RAB15: variants seen among roughly 807,000 people sequenced by gnomAD.
RAB15 encodes RAB15, member RAS oncogene family, also known as ras-related protein Rab-15.
In RAB15, 13 loss-of-function variants were observed where a neutral mutation model predicts 31.8. The observed-to-expected ratio is 0.41, with a 90% CI of 0.27 to 0.65. The LOEUF is 0.65. RAB15 is among the 30% of genes least tolerant of loss of function. RAB15 has a pLI of 0.32. For missense variants in RAB15, 220 were observed against 277.3 expected (o/e 0.79, Z 1.47); for synonymous variants, 100 against 105.6 (o/e 0.95, Z 0.33).
chr14:64,965,070 T>G (rs911581590), intron 1 of RAB15, among the ~76,000 whole-genome samples: 1 of 152,234 alleles, frequency 6.6e-6, no homozygotes, highest in African/African-American at 2.4e-5. Context: ...TTCAGCCTCC[T>G]GAGTAGTTAG....
intron 1 of RAB15, among the ~76,000 whole-genome samples, chr14:64,959,434 C>A (rs1474953729): frequency 6.6e-6 from 1 of 152,126 alleles, no homozygotes; most frequent in African/African-American, 2.4e-5. Context: ...CTCAACTACA[C>A]AAAAAGAACC....
Position 64,950,332 on chromosome 14 carries a change from C to A in RAB15, c.407G>T (p.Gly136Val), listed in dbSNP as rs1293768964. ...EQKRQVGREQ[G>V]QQLAKEYGMD... The stretch of plus-strand genomic sequence containing the variant: ...CCTTTTCCCTCCACTTACCTGCTGC[C>A]CTTGCTCTCTTCCCACCTGCCGTTT... The change falls in exon 5 of 7, where the codon GGG becomes GTG. Residue 136 changes from glycine (G) to valine (V), a missense_variant. Gly to Val is a moderately radical substitution (Grantham distance 109, BLOSUM62 -3). Transcript: ENST00000533601. The surrounding 1 kb of genome is among the most constrained non-coding windows in gnomAD (Gnocchi z 5.6). 1 of 1,613,884 alleles carries A rather than the reference C, an allele frequency of 6.2e-7. No individual in the cohort carries two copies. The highest frequency in any genetic ancestry group is 8.5e-7 in the Non-Finnish European group (1 of 1,179,878).
At chr14:64,966,664 T>C (rs1484675336) in intron 1 of RAB15, among the ~76,000 whole-genome samples, 2 of 152,230 alleles carry the variant, frequency 1.3e-5, no homozygotes, top group East Asian at 3.8e-4. Flanking sequence ...AAGACTCTGT[T>C]ACCATCTTCA....
chr14:64,971,983 C>G lies in RAB15; in HGVS notation c.94G>C (p.Glu32Gln). 1 of 1,599,482 alleles carries G rather than the reference C, an allele frequency of 6.3e-7. No individual in the cohort carries two copies. The highest frequency in any genetic ancestry group is 8.5e-7 in the Non-Finnish European group (1 of 1,173,268). ...GTGGAGATGTGCGAGGAGTGGAACT[C>G]GTTGTCGGTGAAGCGGCACAGCAGG... The part of the protein sequence containing the change: ...TCLLCRFTDN[E>Q]FHSSHISTIG... The change falls in exon 1 of 7, where the codon GAG becomes CAG. Residue 32 changes from glutamate to glutamine, a missense_variant. Glu to Gln is a conservative substitution (Grantham distance 29). Transcript: ENST00000533601. This position sits in a 1 kb window ranked among gnomAD's most constrained non-coding sequence, Gnocchi z 4.1.
At chr14:64,960,161 A>G (rs1303911939) in intron 1 of RAB15, among the ~76,000 whole-genome samples, 3 of 152,212 alleles carry the variant, frequency 2.0e-5, no homozygotes, top group Non-Finnish European at 2.9e-5. Flanking sequence ...AGAACTGGGA[A>G]GACAGGCAGG....
In RAB15 at chr14:64,971,735, A is replaced by G; in HGVS notation, c.124+218T>C. ...ATGGGACGGAAGGCTTCCCGGCAAG[A>G]GGCGGGAGACCCCACCCCTGGTCCG... is the stretch of plus-strand genomic sequence containing the variant. On this transcript the variant is annotated intron_variant, in intron 1 of 6. Coordinates refer to ENST00000533601, the MANE Select transcript of RAB15 (RefSeq NM_001308154.2). This position sits in a 1 kb window ranked among gnomAD's most constrained non-coding sequence, Gnocchi z 4.1. The G allele has an allele frequency of 1.8e-6, 1 of 561,774 alleles. No homozygotes were observed. Among genetic ancestry groups the G allele is most frequent in the Non-Finnish European group, 3.2e-6 (1 of 315,296 alleles). The allele number at this position is 561,774 out of a possible 1,614,324, so 34.8% of individuals were successfully genotyped here.
Position 64,968,919 on chromosome 14 carries a change from C to T in RAB15, c.124+3034G>A, listed in dbSNP as rs1252793846. 6.6e-6 allele frequency among the ~76,000 whole-genome samples: 1 copy of T among 152,216 alleles called. No individual in the cohort carries two copies. Among genetic ancestry groups the T allele is most frequent in the Non-Finnish European group, 1.5e-5 (1 of 68,038 alleles). On this transcript the variant is annotated intron_variant, in intron 1 of 6. Coordinates refer to ENST00000533601, the MANE Select transcript of RAB15 (RefSeq NM_001308154.2). This position sits in a 1 kb window ranked among gnomAD's most constrained non-coding sequence, Gnocchi z 4.9. ...GGGGAGGGACAGTCAGTGTCTCAGT[C>T]TACCAGGGAGGCCTCTCACTGCTCC... is the stretch of plus-strand genomic sequence containing the variant.
rs796144836 is a variant in RAB15, at chr14:64,964,968, CAG to C, written c.124+6983_124+6984del. 9.8e-5 allele frequency among the ~76,000 whole-genome samples: 14 copies of C among 143,304 alleles called. 1 individual carries two copies. Among genetic ancestry groups the C allele is most frequent in the African/African-American group, 3.4e-4 (13 of 38,584 alleles). The allele number at this position is 143,304 out of a possible 152,430, so 94.0% of individuals were successfully genotyped here. A position where few individuals can be genotyped will look rare whatever the true frequency, so the allele number is the denominator to read the frequency against. ...CAGTAATTTTTTTTTTTTCCTGAGACAGGGTCTCACTCTGTCACCCAGGCTGG... is the reference window on the plus strand; with the variant it reads ...CAGTAATTTTTTTTTTTTCCTGAGACGGTCTCACTCTGTCACCCAGGCTGG... On this transcript the variant is annotated intron_variant, in intron 1 of 6. Coordinates refer to ENST00000533601, the MANE Select transcript of RAB15 (RefSeq NM_001308154.2).
At position 64,952,751 on chromosome 14, in the gene RAB15, G is replaced by A. The variant is rs955607575; in HGVS notation, c.125-180C>T. On this transcript the variant is annotated intron_variant, in intron 1 of 6. Coordinates refer to ENST00000533601, the MANE Select transcript of RAB15 (RefSeq NM_001308154.2). The surrounding 1 kb of genome is among the most constrained non-coding windows in gnomAD (Gnocchi z 4.2). Reference sequence around the variant, plus strand: ...TAAGGAAGTATCTGAAGCTTTGAAAGGGGCTTTCCTCCCTCCCTGAGCTGA... The same window carrying A: ...TAAGGAAGTATCTGAAGCTTTGAAAAGGGCTTTCCTCCCTCCCTGAGCTGA... Among the ~76,000 whole-genome samples the A allele has an allele frequency of 2.6e-5, 4 of 152,194 alleles. No individual in the cohort carries two copies. Among genetic ancestry groups the A allele is most frequent in the African/African-American group, 9.7e-5 (4 of 41,440 alleles).
Position 64,962,956 on chromosome 14 carries a change from A to G in RAB15, c.124+8997T>C, listed in dbSNP as rs752317785. 3.6e-4 allele frequency among the ~76,000 whole-genome samples: 55 copies of G among 152,258 alleles called. No individual in the cohort carries two copies. Among genetic ancestry groups the G allele is most frequent in the Non-Finnish European group, 6.2e-4 (42 of 67,990 alleles). ...ACCAAGAAACTTCTCAAATGCCAGC[A>G]AGGCCAACTTCAGAACTCCCTGCTC... On this transcript the variant is annotated intron_variant, in intron 1 of 6. Coordinates refer to ENST00000533601, the MANE Select transcript of RAB15 (RefSeq NM_001308154.2). This position sits in a 1 kb window ranked among gnomAD's most constrained non-coding sequence, Gnocchi z 4.2.
rs1254241214 is a variant in RAB15, at chr14:64,971,894, C to T, written c.124+59G>A. On this transcript the variant is annotated intron_variant, in intron 1 of 6. Coordinates refer to ENST00000533601, the MANE Select transcript of RAB15 (RefSeq NM_001308154.2). This position sits in a 1 kb window ranked among gnomAD's most constrained non-coding sequence, Gnocchi z 4.1. ...ATTCCTCCCCAGCTGGGGACGGGGG[C>T]GGCGGGGAAAGGGGCCGCGGGCGGG... The T allele has an allele frequency of 1.8e-5, 26 of 1,425,316 alleles. No homozygotes were observed. In the South Asian group the frequency reaches 2.7e-4, roughly 15 times the overall value. The allele number at this position is 1,425,316 out of a possible 1,614,324, so 88.3% of individuals were successfully genotyped here. A position where few individuals can be genotyped will look rare whatever the true frequency, so the allele number is the denominator to read the frequency against.
Position 64,968,640 on chromosome 14 carries a change from C to T in RAB15, c.124+3313G>A, listed in dbSNP as rs185866632. Among the ~76,000 whole-genome samples, 545 of 152,202 alleles carry T rather than the reference C, an allele frequency of 3.6e-3. 1 individual carries two copies. Among genetic ancestry groups the T allele is most frequent in the Admixed American group, 0.013 (194 of 15,294 alleles). On this transcript the variant is annotated intron_variant, in intron 1 of 6. Coordinates refer to ENST00000533601, the MANE Select transcript of RAB15 (RefSeq NM_001308154.2). The surrounding 1 kb of genome is among the most constrained non-coding windows in gnomAD (Gnocchi z 4.9). ...CACTAGCTCTTTGTTTTTTGTTTTT[C>T]CCTTTGTCTTGCCTCCCCATCTAGG...
Position 64,951,002 on chromosome 14 carries a change from A to T in RAB15, c.324+72T>A. 6.2e-7 allele frequency: 1 copy of T among 1,614,022 alleles called. No individual in the cohort carries two copies. On this transcript the variant is annotated intron_variant, in intron 4 of 6. Coordinates refer to ENST00000533601, the MANE Select transcript of RAB15 (RefSeq NM_001308154.2). This position sits in a 1 kb window ranked among gnomAD's most constrained non-coding sequence, Gnocchi z 7.2. ...GCTTCCTGGAAGCATTTGCCTTCCC[A>T]TCTGGCCCTCGCCTTGCCTTCCCCG...
Position 64,963,212 on chromosome 14 carries a change from G to T in RAB15, c.124+8741C>A, listed in dbSNP as rs1304734020. Among the ~76,000 whole-genome samples, 3 of 145,204 alleles carry T rather than the reference G, an allele frequency of 2.1e-5. No homozygotes were observed. In the Admixed American group the frequency reaches 2.2e-4, roughly 11 times the overall value. ...CGGCTCACTGCAACCTCCACCTCCT[G>T]TGTTAAAGTGATTCTCCTGCCTCAG... On this transcript the variant is annotated intron_variant, in intron 1 of 6. Transcript: ENST00000533601.
Position 64,972,054 on chromosome 14 carries a change from A to C in RAB15, c.23T>G (p.Leu8Arg). 6.2e-7 allele frequency: 1 copy of C among 1,610,538 alleles called. No homozygotes were observed. Among genetic ancestry groups the C allele is most frequent in the Non-Finnish European group, 8.5e-7 (1 of 1,178,786 alleles). Residue 8 changes from leucine (L) to arginine (R), a missense_variant, in exon 1 of 7, where the codon CTG becomes CGG. Physicochemically the swap from Leu to Arg is moderately radical, Grantham distance 102. Coordinates refer to ENST00000533601, the MANE Select transcript of RAB15 (RefSeq NM_001308154.2). This position sits in a 1 kb window ranked among gnomAD's most constrained non-coding sequence, Gnocchi z 6.3. ...GTCCCCGATCAGCAGCAGCCGGAAC[A>C]GCACATCGTACTGCTTCGCCATGAC... is the stretch of plus-strand genomic sequence containing the variant. MAKQYDV[L>R]FRLLLIGDSG...
chr14:64,946,407 T>A lies in RAB15; in HGVS notation c.*1947A>T, dbSNP rs1427488918. On this transcript the variant is annotated 3_prime_UTR_variant, in exon 7 of 7. Coordinates refer to ENST00000533601, the MANE Select transcript of RAB15 (RefSeq NM_001308154.2). Reference sequence around the variant, plus strand: ...ACCTACTTCCCTAGCCCCAGTGTGATGTGGCATAGGTCTTGATACCCAAGG... The same window carrying A: ...ACCTACTTCCCTAGCCCCAGTGTGAAGTGGCATAGGTCTTGATACCCAAGG... 1 of 152,204 alleles carries A rather than the reference T, an allele frequency of 6.6e-6. No individual in the cohort carries two copies. Among genetic ancestry groups the A allele is most frequent in the Non-Finnish European group, 1.5e-5 (1 of 68,036 alleles). The allele number at this position is 152,204 out of a possible 1,614,324, so 9.4% of individuals were successfully genotyped here.
In RAB15 at chr14:64,951,422, C is replaced by A. The variant is rs143512986; in HGVS notation, c.246+181G>T. On this transcript the variant is annotated intron_variant, in intron 3 of 6. Transcript: ENST00000533601. This position sits in a 1 kb window ranked among gnomAD's most constrained non-coding sequence, Gnocchi z 7.2. The stretch of plus-strand genomic sequence containing the variant: ...AGGGGTGAGGGCAGGGGCCTGCCTG[C>A]AGTGAGTGGGCCATGAACAATGGAC... Among the ~76,000 whole-genome samples, 15 of 152,322 alleles carry A rather than the reference C, an allele frequency of 9.8e-5. No individual in the cohort carries two copies. Among genetic ancestry groups the A allele is most frequent in the Non-Finnish European group, 1.8e-4 (12 of 68,034 alleles).
Position 64,950,938 on chromosome 14 carries a change from C to A in RAB15, c.324+136G>T. ...GCTTCGGTTTCTTCCCCATGTCTTA[C>A]TCACCCAGAGGTCTTCATCCAGGGC... On this transcript the variant is annotated intron_variant, in intron 4 of 6. Coordinates refer to ENST00000533601, the MANE Select transcript of RAB15 (RefSeq NM_001308154.2). This position sits in a 1 kb window ranked among gnomAD's most constrained non-coding sequence, Gnocchi z 5.6. 6.2e-7 allele frequency: 1 copy of A among 1,602,256 alleles called. No individual in the cohort carries two copies. Among genetic ancestry groups the A allele is most frequent in the Non-Finnish European group, 8.5e-7 (1 of 1,171,068 alleles).
rs778531901 is a variant in RAB15 at position 64,952,481 on chromosome 14, A to C, written c.185+30T>G. On this transcript the variant is annotated intron_variant, in intron 2 of 6. Transcript: ENST00000533601. The surrounding 1 kb of genome is among the most constrained non-coding windows in gnomAD (Gnocchi z 4.2). ...GAGCAGCCAGAAGTCCTCTTCTCCT[A>C]CATCTGCCTCCTCCTCCTCCCCAGC... 1 of 1,578,006 alleles carries C rather than the reference A, an allele frequency of 6.3e-7. No individual in the cohort carries two copies. Among genetic ancestry groups the C allele is most frequent in the South Asian group, 1.1e-5 (1 of 90,224 alleles).
Sources: allele counts gnomAD v4.1 joint callset (sites outside exome capture counted in the v4.1 genomes callset), GRCh38; gene constraint gnomAD v4.1.1; non-coding constraint Gnocchi (gnomAD v3.1); transcripts MANE v1.5; gene names NCBI Gene and HGNC (gene_info 2026-07-23, HGNC 2026-07-21).